The following APP variants were observed in gnomAD, a reference collection of about 807,000 sequenced individuals.
APP encodes the protein amyloid beta precursor protein, also known as amyloid-beta precursor protein.
APP carries 31 observed loss-of-function variants against 101.4 expected under a neutral mutation model. That is an observed-to-expected ratio of 0.31 (90% CI 0.23 to 0.41). APP has a LOEUF of 0.41. Among genes scored for constraint, APP ranks in the 10% least tolerant of loss-of-function variants. APP has a pLI of 1.00. For synonymous variants in APP, 366 were observed against 364.4 expected, an observed-to-expected ratio of 1.00 and a Z score of -0.05; for missense variants, 839 against 1,003.7, an observed-to-expected ratio of 0.84 and a Z score of 2.22.
intron 16 of APP, among the ~76,000 whole-genome samples, chr21:25,896,244 G>A (rs2038035083): frequency 6.6e-6 from 1 of 152,018 alleles, no homozygotes; most frequent in Non-Finnish European, 1.5e-5. Context: ...AAAGAACTAT[G>A]GGAGTTAAGA....
chr21:26,086,433 C>A (rs2061704812), intron 3 of APP, among the ~76,000 whole-genome samples: 1 of 152,118 alleles, frequency 6.6e-6, no homozygotes, highest in South Asian at 2.1e-4. Context: ...CACACTGGAT[C>A]CTTCATCTGA....
chr21:25,970,755 G>A (rs749994721), intron 11 of APP, among the ~76,000 whole-genome samples: 4 of 152,220 alleles, frequency 2.6e-5, no homozygotes, highest in Non-Finnish European at 1.5e-5. Context: ...TGAACCAGCC[G>A]CTCCATCTCC....
intron 15 of APP, among the ~76,000 whole-genome samples, chr21:25,901,252 C>T (rs1191190851): frequency 7.4e-6 from 1 of 135,134 alleles, no homozygotes; most frequent in East Asian, 2.4e-4. Context: ...GAGCTGGTAT[C>T]ATGCCACTGT....
intron 1 of APP, among the ~76,000 whole-genome samples, chr21:26,144,288 A>C (rs1028357468): frequency 2.6e-5 from 4 of 152,166 alleles, no homozygotes; most frequent in African/African-American, 9.7e-5. Context: ...GAGCCAAACC[A>C]CATCACTCAC....
intron 13 of APP, chr21:25,946,029 T>G (rs2040805586): frequency 2.6e-6 from 1 of 379,906 alleles, no homozygotes; most frequent in Non-Finnish European, 5.3e-6. Context: ...GATATTTATA[T>G]GCAAAAGAAT....
intron 17 of APP, among the ~76,000 whole-genome samples, chr21:25,891,006 A>G (rs1268068308): frequency 6.6e-6 from 1 of 152,218 alleles, no homozygotes; most frequent in Non-Finnish European, 1.5e-5. Flanking sequence ...AGTTGCATAT[A>G]CTGTGAGATT....
rs573379447 is a variant in APP, at chr21:26,063,679, CTGAA to C, written c.356-10335_356-10332del. On this transcript the variant is annotated intron_variant, in intron 3 of 17. Transcript: ENST00000346798. ...TGTAAATATCCATGAGTCTAAATGA[CTGAA>C]TGAATGAATACATAAATAGGAAAAA... Among the ~76,000 whole-genome samples the C allele has an allele frequency of 1.6e-4, 24 of 152,324 alleles. No homozygotes were observed. In the South Asian group the frequency reaches 2.9e-3, roughly 18 times the overall value.
At chr21:26,079,818 G>A (rs1332781684) in intron 3 of APP, among the ~76,000 whole-genome samples, 1 of 152,128 alleles carries the variant, frequency 6.6e-6, no homozygotes, top group Non-Finnish European at 1.5e-5. Flanking sequence ...CACTGTATAT[G>A]GAAACCAACT....
Position 26,089,152 on chromosome 21 carries a change from T to TA in APP, c.355+790dup, listed in dbSNP as rs568245906. Among the ~76,000 whole-genome samples the TA allele has an allele frequency of 3.3e-5, 5 of 152,310 alleles. No individual in the cohort carries two copies. The South Asian group carries it at 1.0e-3, about 32-fold the overall frequency. ...TCTATATCCTTATTTACAACCTGCC[T>TA]ACTGATGAATACACTTGTGGAAAAC... On this transcript the variant is annotated intron_variant, in intron 3 of 17. Transcript: ENST00000346798.
At chr21:25,981,137 G>T (rs994822186) in intron 9 of APP, among the ~76,000 whole-genome samples, 3 of 152,120 alleles carry the variant, frequency 2.0e-5, no homozygotes, top group African/African-American at 7.2e-5. Context: ...ATGCTCAGGG[G>T]CCATTCATTT....
intron 5 of APP, among the ~76,000 whole-genome samples, chr21:26,024,394 T>G (rs1480932741): frequency 6.6e-6 from 1 of 151,920 alleles, no homozygotes; most frequent in Non-Finnish European, 1.5e-5. Flanking sequence ...AGCTCATCAT[T>G]GGGAAAAGTG....
chr21:26,078,895 T>C (rs951472398), intron 3 of APP, among the ~76,000 whole-genome samples: 3 of 151,788 alleles, frequency 2.0e-5, no homozygotes, highest in African/African-American at 7.3e-5. Context: ...AACAGAAAAA[T>C]AGCTGGGCAT....
chr21:26,042,239 TA>T (rs2045404342), intron 5 of APP, among the ~76,000 whole-genome samples: 2 of 152,128 alleles, frequency 1.3e-5, no homozygotes, highest in Non-Finnish European at 2.9e-5. Context: ...TAAAAAGATA[TA>T]TAGTCAAATA....
At chr21:26,003,302 G>A (rs1055118640) in intron 6 of APP, among the ~76,000 whole-genome samples, 1 of 152,252 alleles carries the variant, frequency 6.6e-6, no homozygotes, top group Admixed American at 6.5e-5. Flanking sequence ...GTCTCCAGCT[G>A]TAAGAGCCTT....
chr21:26,119,603 ATACC>A (rs1834062266), intron 1 of APP, among the ~76,000 whole-genome samples: 2 of 152,230 alleles, frequency 1.3e-5, no homozygotes, highest in East Asian at 3.8e-4. Context: ...CAGTTGACAT[ATACC>A]TACCTATGTA....
chr21:25,927,708 G>C (rs1425776608), intron 13 of APP, among the ~76,000 whole-genome samples: 1 of 152,078 alleles, frequency 6.6e-6, no homozygotes, highest in Non-Finnish European at 1.5e-5. Context: ...CACAAACAAA[G>C]CTTCACATCA....
At chr21:26,138,451 C>A (rs1462276885) in intron 1 of APP, among the ~76,000 whole-genome samples, 1 of 151,428 alleles carries the variant, frequency 6.6e-6, no homozygotes, top group Non-Finnish European at 1.5e-5. Flanking sequence ...TGCCTATAAT[C>A]CCAGCACTTT....
chr21:26,124,891 TG>T (rs2062649198), intron 1 of APP, among the ~76,000 whole-genome samples: 1 of 152,254 alleles, frequency 6.6e-6, no homozygotes, highest in Non-Finnish European at 1.5e-5. Context: ...TTGGGGACAG[TG>T]GGGTAACCCG....
intron 1 of APP, among the ~76,000 whole-genome samples, chr21:26,132,560 G>C (rs1195842139): frequency 6.6e-6 from 1 of 152,150 alleles, no homozygotes; most frequent in Non-Finnish European, 1.5e-5. Flanking sequence ...AACTAATTCA[G>C]AACTTTACAT....
Sources: gnomAD v4.1 joint callset for allele counts (sites outside exome capture counted in the v4.1 genomes callset) on GRCh38, gnomAD v4.1.1 for gene constraint, MANE v1.5 for transcripts, NCBI Gene and HGNC (gene_info 2026-07-23, HGNC 2026-07-21) for gene names.